Variants in KYAT3 observed in about 807,000 individuals in gnomAD.
KYAT3 encodes the protein kynurenine--oxoglutarate transaminase 3.
In KYAT3, 50 loss-of-function variants were observed where a neutral mutation model predicts 59.0. The ratio of observed to expected loss-of-function variants is 0.85; its 90% confidence interval spans 0.68 to 1.07. KYAT3 has a LOEUF of 1.07. KYAT3 is among the 50% of genes least tolerant of loss of function. The pLI, the probability that KYAT3 is intolerant of heterozygous loss-of-function variation, is 0.00. For synonymous variants in KYAT3, 148 were observed against 177.0 expected, an observed-to-expected ratio of 0.84 and a Z score of 1.30; for missense variants, 497 against 533.3, an observed-to-expected ratio of 0.93 and a Z score of 0.67.
At chr1:88,976,021 G>A (rs1182221603) in intron 2 of KYAT3, among the ~76,000 whole-genome samples, 1 of 146,802 alleles carries the variant, frequency 6.8e-6, no homozygotes, top group Admixed American at 6.9e-5. Flanking sequence ...GTGACAGAGC[G>A]AGACTCCATC....
In KYAT3 at chr1:88,969,437, G is replaced by A. The variant is rs371504612; in HGVS notation, c.130C>T (p.Arg44Trp). Residue 44 changes from arginine to tryptophan, a missense_variant, in exon 3 of 14, where the codon CGG becomes TGG. Coordinates refer to ENST00000260508, the MANE Select transcript of KYAT3 (RefSeq NM_001008661.3). ...ACATTACTATCAAGTCCTTCAATCC[G>A]TTTTGCATTTGTGAATTTCAGTGAC... ...KMSLKFTNAK[R>W]IEGLDSNVWI... The A allele has an allele frequency of 2.7e-5, 42 of 1,578,070 alleles. No individual in the cohort carries two copies. Among genetic ancestry groups the A allele is most frequent in the South Asian group, 1.0e-4 (9 of 89,296 alleles).
Position 88,961,049 on chromosome 1 carries a change from TACAG to T in KYAT3, c.787+114_787+117del, listed in dbSNP as rs1400568932. On this transcript the variant is annotated intron_variant, in intron 8 of 13. Transcript: ENST00000260508. ...TTTAAATACTATTTTAAAGTGTTCA[TACAG>T]ACAGATACCCATTACAAAGACTGTT... The T allele has an allele frequency of 4.3e-6, 4 of 923,254 alleles. No homozygotes were observed. In the African/African-American group the frequency reaches 6.6e-5, roughly 15 times the overall value. 57.2% of individuals were successfully genotyped at this position (923,254 alleles called of 1,614,324 possible). A position where few individuals can be genotyped will look rare whatever the true frequency, so the allele number is the denominator to read the frequency against.
intron 1 of KYAT3, among the ~76,000 whole-genome samples, chr1:88,989,559 T>C (rs552855769): frequency 6.6e-6 from 1 of 152,296 alleles, no homozygotes; most frequent in East Asian, 1.9e-4. Flanking sequence ...AAGACACAGC[T>C]GAAACTTTGG....
At chr1:88,926,235 T>G in the KYAT3 span, among the ~76,000 whole-genome samples, 3 of 152,206 alleles carry the variant, frequency 2.0e-5, no homozygotes, top group African/African-American at 7.2e-5. Context: ...CCACTGATAA[T>G]TCCCTTAACC....
chr1:88,984,141 T>C (rs767403019), intron 2 of KYAT3: 9 of 288,468 alleles, frequency 3.1e-5, no homozygotes, highest in Non-Finnish European at 6.1e-5. Context: ...TAAAGATACA[T>C]AAAAAATGCA....
rs1168669474 is a variant in KYAT3 at position 88,947,940 on chromosome 1, A to G, written c.1141+1151T>C. ...AACCTCGTCTCTAAAAAAAATTTAA[A>G]AATTAGCTAGGTGTGGTGGTGCATG... On this transcript the variant is annotated intron_variant, in intron 11 of 13. Coordinates refer to ENST00000260508, the MANE Select transcript of KYAT3 (RefSeq NM_001008661.3). Among the ~76,000 whole-genome samples the G allele has an allele frequency of 7.2e-5, 11 of 152,208 alleles. No individual in the cohort carries two copies. In the East Asian group the frequency reaches 1.9e-3, roughly 27 times the overall value.
chr1:88,955,807 G>C (rs1474299288), intron 8 of KYAT3, among the ~76,000 whole-genome samples: 2 of 152,088 alleles, frequency 1.3e-5, no homozygotes, highest in Non-Finnish European at 2.9e-5. Flanking sequence ...CTGGGAGTGG[G>C]ACCCAGTAAT....
chr1:88,955,317 T>C (rs989132943), intron 8 of KYAT3, 92 bp from the exon 9 acceptor site: 16 of 749,144 alleles, frequency 2.1e-5, no homozygotes, highest in Non-Finnish European at 3.1e-5. Flanking sequence ...ATAAATTCAA[T>C]GAAAATAAGT....
chr1:88,956,142 A>G (rs1171349388), intron 8 of KYAT3, among the ~76,000 whole-genome samples: 1 of 152,206 alleles, frequency 6.6e-6, no homozygotes, highest in Non-Finnish European at 1.5e-5. Context: ...ACTTAGGAAT[A>G]CTAGACAGCA....
chr1:88,975,656 A>C (rs191891182), intron 2 of KYAT3, among the ~76,000 whole-genome samples: 1 of 152,266 alleles, frequency 6.6e-6, no homozygotes, highest in Non-Finnish European at 1.5e-5. Flanking sequence ...GAAGCTTTAC[A>C]TTATATATAC....
At chr1:88,951,515 G>A (rs1299746160) in intron 10 of KYAT3, among the ~76,000 whole-genome samples, 3 of 152,074 alleles carry the variant, frequency 2.0e-5, no homozygotes, top group Admixed American at 6.5e-5. Context: ...GATTATAGGC[G>A]TGAGCCATTG....
chr1:88,969,993 A>G (rs375314568), intron 2 of KYAT3, among the ~76,000 whole-genome samples: 5 of 152,232 alleles, frequency 3.3e-5, no homozygotes, highest in East Asian at 3.9e-4. Context: ...TTAGATGTTC[A>G]TCTTCTCACC....
chr1:88,990,371 G>A (rs1374185418), intron 1 of KYAT3, among the ~76,000 whole-genome samples: 1 of 151,908 alleles, frequency 6.6e-6, no homozygotes, highest in Non-Finnish European at 1.5e-5. Context: ...CTCAATCTAC[G>A]CTCCTCAACC....
chr1:88,989,699 G>A (rs1677676381), intron 1 of KYAT3, among the ~76,000 whole-genome samples: 1 of 152,162 alleles, frequency 6.6e-6, no homozygotes, highest in South Asian at 2.1e-4. Context: ...CAGACTGGGT[G>A]AGCCATACTC....
At position 88,953,098 on chromosome 1, in the gene KYAT3, G is replaced by C. The variant is rs1010529889; in HGVS notation, c.919C>G (p.Gln307Glu). The C allele has an allele frequency of 1.2e-6, 2 of 1,613,058 alleles. No homozygotes were observed. Among genetic ancestry groups the C allele is most frequent in the African/African-American group, 2.7e-5 (2 of 74,900 alleles). The stretch of plus-strand genomic sequence containing the variant: ...GTTGCACAAGTATAAATCGTGTTTT[G>C]TTGAACTGTCTGTAAATGTTTTATC... ...HLIKHLQTVQ[Q>E]NTIYTCATPL... Residue 307 changes from glutamine (Q) to glutamate (E), a missense_variant, in exon 10 of 14, where the codon CAA becomes GAA. Coordinates refer to ENST00000260508, the MANE Select transcript of KYAT3 (RefSeq NM_001008661.3).
chr1:88,982,819 T>G, intron 2 of KYAT3: 1 of 1,613,952 alleles, frequency 6.2e-7, no homozygotes, highest in Non-Finnish European at 8.5e-7. Context: ...TGTCACAACT[T>G]GAGTAGAGAT....
rs990022401 is a variant in KYAT3, at chr1:88,961,042, G to A, written c.787+125C>T. ...TTGCTCATTTAAATACTATTTTAAAGTGTTCATACAGACAGATACCCATTA... is the reference window on the plus strand; with the variant it reads ...TTGCTCATTTAAATACTATTTTAAAATGTTCATACAGACAGATACCCATTA... On this transcript the variant is annotated intron_variant, in intron 8 of 13. Coordinates refer to ENST00000260508, the MANE Select transcript of KYAT3 (RefSeq NM_001008661.3). The A allele has an allele frequency of 1.4e-5, 12 of 838,246 alleles. No homozygotes were observed. In the East Asian group the frequency reaches 3.0e-4, roughly 21 times the overall value. The allele number at this position is 838,246 out of a possible 1,614,324, so 51.9% of individuals were successfully genotyped here.
intron 10 of KYAT3, among the ~76,000 whole-genome samples, chr1:88,952,024 G>T (rs759311576): frequency 6.6e-6 from 1 of 152,192 alleles, no homozygotes; most frequent in African/African-American, 2.4e-5. Flanking sequence ...GACTCTCCTA[G>T]AGCCTTCAGA....
At chr1:88,977,637 C>T (rs1163286172) in intron 2 of KYAT3, among the ~76,000 whole-genome samples, 1 of 152,188 alleles carries the variant, frequency 6.6e-6, no homozygotes, top group Admixed American at 6.5e-5. Context: ...CTGCACTTGG[C>T]AGAAAAAAGT....
Sources: gnomAD v4.1 joint callset for allele counts (sites outside exome capture counted in the v4.1 genomes callset) on GRCh38, gnomAD v4.1.1 for gene constraint, MANE v1.5 for transcripts, NCBI Gene and HGNC (gene_info 2026-07-23, HGNC 2026-07-21) for gene names.